Variants in TP53BP1 observed in about 807,000 individuals in gnomAD.
TP53BP1 encodes the protein TP53-binding protein 1.
In TP53BP1, 61 loss-of-function variants were observed where a neutral mutation model predicts 200.8. The observed-to-expected ratio is 0.30, with a 90% CI of 0.25 to 0.38. TP53BP1 has a LOEUF of 0.38. Ranked by LOEUF, TP53BP1 falls within the 10% of genes least tolerant of loss-of-function variation. TP53BP1 has a pLI of 1.00. For synonymous variants in TP53BP1, 822 were observed against 844.3 expected (o/e 0.97, Z 0.46); for missense variants, 2,144 against 2,371.9 (o/e 0.90, Z 2.00).
At chr15:43,407,688 G>T in intron 27 of TP53BP1, 118 bp from the exon 28 acceptor site, 1 of 993,024 alleles carries the variant, frequency 1.0e-6, no homozygotes, top group Non-Finnish European at 1.5e-6. Context: ...GCCCTATTAT[G>T]TCAAACACAC....
intron 11 of TP53BP1, among the ~76,000 whole-genome samples, chr15:43,465,817 G>GTTGTT (rs936960098): frequency 8.3e-5 from 10 of 119,812 alleles, no homozygotes; most frequent in Admixed American, 4.7e-4. Flanking sequence ...TGTTGTTGTT[G>GTTGTT]TTGTTTTGTT....
intron 4 of TP53BP1, among the ~76,000 whole-genome samples, chr15:43,482,865 G>A (rs1264922358): frequency 6.6e-6 from 1 of 152,174 alleles, no homozygotes; most frequent in African/African-American, 2.4e-5. Flanking sequence ...AGGAGGTGGA[G>A]GTTGCAGTAA....
At chr15:43,414,200 AC>A in intron 23 of TP53BP1, 1 of 436,516 alleles carries the variant, frequency 2.3e-6, no homozygotes, top group South Asian at 1.7e-5. Context: ...AGTGAAGACC[AC>A]CAAAGTTTGA....
At chr15:43,415,496 G>T in intron 23 of TP53BP1, 98 bp downstream of exon 23, 1 of 1,302,528 alleles carries the variant, frequency 7.7e-7, no homozygotes, top group Non-Finnish European at 1.1e-6. Context: ...TAGCAGGACA[G>T]AAGGGCCACT....
intron 14 of TP53BP1, among the ~76,000 whole-genome samples, chr15:43,444,942 A>T (rs981222316): frequency 6.6e-6 from 1 of 151,974 alleles, no homozygotes; most frequent in African/African-American, 2.4e-5. Flanking sequence ...TTTTGTGAAA[A>T]ATCAGACCTT....
intron 14 of TP53BP1, among the ~76,000 whole-genome samples, chr15:43,445,875 A>C (rs1227328828): frequency 6.6e-6 from 1 of 152,200 alleles, no homozygotes; most frequent in African/African-American, 2.4e-5. Context: ...CATCATGCAC[A>C]AAAGCACAAG....
At position 43,406,496 on chromosome 15, in the gene TP53BP1, C is replaced by A; in HGVS notation, c.*887G>T. The A allele has an allele frequency of 2.4e-6, 1 of 420,058 alleles. No individual in the cohort carries two copies. The highest frequency in any genetic ancestry group is 1.7e-5 in the South Asian group (1 of 57,178). 26.0% of individuals were successfully genotyped at this position (420,058 alleles called of 1,614,324 possible). On this transcript the variant is annotated 3_prime_UTR_variant, in exon 28 of 28. Transcript: ENST00000382044. The stretch of plus-strand genomic sequence containing the variant: ...AAACACAGCCATGCCCATTTGTTTA[C>A]TCATTGTCTATGGTTGCTTTCATGC...
chr15:43,403,529 C>CT lies in TP53BP1; in HGVS notation c.*3853dup. 1.7e-6 allele frequency: 1 copy of CT among 600,188 alleles called. No individual in the cohort carries two copies. The highest frequency in any genetic ancestry group is 2.2e-5 in the South Asian group (1 of 46,064). 37.2% of individuals were successfully genotyped at this position (600,188 alleles called of 1,614,324 possible). ...TTACGCATTTTGTGCGTCTGAGGGG[C>CT]TGGCAGGCCTTGCACGTGGCAGTGT... On this transcript the variant is annotated 3_prime_UTR_variant, in exon 28 of 28. Transcript: ENST00000382044.
At chr15:43,480,129 T>C (rs1045460947) in intron 5 of TP53BP1, 112 bp from the exon 6 acceptor site, 4 of 927,858 alleles carry the variant, frequency 4.3e-6, no homozygotes, top group Admixed American at 2.8e-5. Flanking sequence ...CAAAGCCCTG[T>C]GCACCCCCCA....
At chr15:43,446,191 T>C (rs2046037147) in intron 14 of TP53BP1, among the ~76,000 whole-genome samples, 196 bp downstream of exon 14, 1 of 152,170 alleles carries the variant, frequency 6.6e-6, no homozygotes, top group Non-Finnish European at 1.5e-5. Context: ...AAACAAGCTA[T>C]AATATGGAGA....
At chr15:43,501,667 T>A (rs367575172) in intron 1 of TP53BP1, among the ~76,000 whole-genome samples, 33 of 152,342 alleles carry the variant, frequency 2.2e-4, no homozygotes, top group Non-Finnish European at 4.7e-4. Context: ...TCTATGACCA[T>A]AGATTAATTT....
At chr15:43,425,256 C>T (rs1046789550) in intron 18 of TP53BP1, among the ~76,000 whole-genome samples, 19 of 152,178 alleles carry the variant, frequency 1.2e-4, no homozygotes, top group Admixed American at 5.2e-4. Flanking sequence ...GACCATGGAA[C>T]CTTTTCCCTC....
intron 11 of TP53BP1, among the ~76,000 whole-genome samples, chr15:43,469,348 G>A (rs2046665285): frequency 6.6e-6 from 1 of 152,112 alleles, no homozygotes; most frequent in Non-Finnish European, 1.5e-5. Context: ...CATGACTTTT[G>A]AAAGGATAAG....
rs1209656971 is a variant in TP53BP1, at chr15:43,432,260, A to G, written c.3609T>C (p.Thr1203=). The G allele has an allele frequency of 1.2e-6, 2 of 1,614,162 alleles. No homozygotes were observed. Among genetic ancestry groups the G allele is most frequent in the Non-Finnish European group, 1.7e-6 (2 of 1,180,000 alleles). ...NFGKQDATVQ[T]ERGSGEKPVS... ...CTGGTTTCTCACCACTCCCCCTCTC[A>G]GTCTGAACTGTGGCATCTTGCTTTC... The change falls in exon 17 of 28, where the codon ACT becomes ACC. Residue 1203 remains threonine (T), a synonymous_variant. Coordinates refer to ENST00000382044, the MANE Select transcript of TP53BP1 (RefSeq NM_001141980.3).
rs2046458455 is a variant in TP53BP1, at chr15:43,462,298, C to A, written c.1390-5080G>T. ...GAGGTAGAATAACTAATGATCTTAT[C>A]TTCTCTTTTTTCTTTTCTTCAAGAT... On this transcript the variant is annotated intron_variant, in intron 11 of 27. Transcript: ENST00000382044. Among the ~76,000 whole-genome samples the A allele has an allele frequency of 2.4e-5, 3 of 122,672 alleles. No individual in the cohort carries two copies. The South Asian group carries it at 9.5e-4, about 39-fold the overall frequency. The allele number at this position is 122,672 out of a possible 152,430, so 80.5% of individuals were successfully genotyped here.
chr15:43,472,151 T>C (rs2046741520), intron 10 of TP53BP1, among the ~76,000 whole-genome samples: 1 of 152,244 alleles, frequency 6.6e-6, no homozygotes, highest in South Asian at 2.1e-4. Flanking sequence ...CAAATTCTGC[T>C]TCTACATCTC....
intron 4 of TP53BP1, among the ~76,000 whole-genome samples, chr15:43,481,502 TTTAC>T (rs996200203): frequency 1.3e-5 from 2 of 151,088 alleles, no homozygotes; most frequent in African/African-American, 4.9e-5. Flanking sequence ...CTTTTTATTT[TTTAC>T]TTATTTTTTT....
chr15:43,481,262 G>T (rs763894890), intron 4 of TP53BP1, among the ~76,000 whole-genome samples: 1 of 152,096 alleles, frequency 6.6e-6, no homozygotes, highest in East Asian at 1.9e-4. Context: ...ATATTTTTGA[G>T]AAGAGGCAGA....
chr15:43,438,568 T>C (rs778754713), intron 15 of TP53BP1, 152 bp from the exon 16 acceptor site: 1 of 586,482 alleles, frequency 1.7e-6, no homozygotes, highest in Non-Finnish European at 2.9e-6. Context: ...TCCATACTTG[T>C]TTTGAATTAG....
Sources: gnomAD v4.1 joint callset for allele counts (sites outside exome capture counted in the v4.1 genomes callset) on GRCh38, gnomAD v4.1.1 for gene constraint, MANE v1.5 for transcripts, NCBI Gene and HGNC (gene_info 2026-07-23, HGNC 2026-07-21) for gene names.